Variants in CWH43 observed in about 807,000 individuals in gnomAD.
The protein encoded by CWH43 is PGAP2-interacting protein.
A neutral mutation model predicts 85.7 loss-of-function variants in CWH43; 91 were observed. The observed-to-expected ratio is 1.06, with a 90% CI of 0.90 to 1.26. The LOEUF (loss-of-function observed/expected upper bound fraction) is 1.26, where lower values mean the gene tolerates loss of function less well. CWH43 is among the 50% of genes most tolerant of loss of function. The probability of loss-of-function intolerance (pLI) is 0.00; values close to 1 mark genes in which losing one functional copy is unlikely to be tolerated. For missense variants in CWH43, 869 were observed against 839.2 expected, an observed-to-expected ratio of 1.04 and a Z score of -0.44; for synonymous variants, 323 against 293.6, an observed-to-expected ratio of 1.10 and a Z score of -1.02.
chr4:48,994,497 CTCTTCCGAAGTAAGCT>C, intron 4 of CWH43, 106 bp from the exon 5 acceptor site: 1 of 763,754 alleles, frequency 1.3e-6, no homozygotes. Flanking sequence ...GTCTCATCTC[CTCTTCCGAAGTAAGCT>C]TCTTGAAGCC....
intron 9 of CWH43, among the ~76,000 whole-genome samples, chr4:49,026,510 C>A (rs1161650332): frequency 6.6e-6 from 1 of 152,120 alleles, no homozygotes; most frequent in African/African-American, 2.4e-5. Context: ...CCTGCCATCC[C>A]CAATATGTAG....
chr4:49,045,433 T>C (rs1784594083), intron 14 of CWH43, among the ~76,000 whole-genome samples: 2 of 152,212 alleles, frequency 1.3e-5, no homozygotes, highest in Admixed American at 6.5e-5. Flanking sequence ...CTTAATGATA[T>C]TTTTGTTCAA....
intron 15 of CWH43, among the ~76,000 whole-genome samples, chr4:49,051,195 C>G (rs146392174): frequency 6.6e-6 from 1 of 152,238 alleles, no homozygotes; most frequent in South Asian, 2.1e-4. Flanking sequence ...TTTGTGTTGT[C>G]TCAATTAATC....
At chr4:49,038,269 A>G in intron 13 of CWH43, 89 bp downstream of exon 13, 1 of 1,173,992 alleles carries the variant, frequency 8.5e-7, no homozygotes, top group South Asian at 1.6e-5. Context: ...TCACCTAAAA[A>G]TTTCATGTGC....
chr4:49,008,012 G>A (rs1468934308), intron 8 of CWH43, among the ~76,000 whole-genome samples: 1 of 152,148 alleles, frequency 6.6e-6, no homozygotes, highest in African/African-American at 2.4e-5. Flanking sequence ...GGGTCAAATG[G>A]TATTTCTAGT....
chr4:49,054,827 C>G (rs550824135), intron 15 of CWH43, among the ~76,000 whole-genome samples: 10 of 151,886 alleles, frequency 6.6e-5, no homozygotes, highest in Admixed American at 1.3e-4. Flanking sequence ...AGAAATGCTA[C>G]TGATTTTTGT....
intron 15 of CWH43, among the ~76,000 whole-genome samples, chr4:49,053,021 A>C (rs1391763012): frequency 2.6e-5 from 4 of 152,098 alleles, no homozygotes; most frequent in Non-Finnish European, 5.9e-5. Flanking sequence ...TCTACATATA[A>C]ATGAGATAAT....
chr4:48,990,081 TGAG>T (rs1782610742), intron 2 of CWH43, among the ~76,000 whole-genome samples: 1 of 152,212 alleles, frequency 6.6e-6, no homozygotes, highest in Admixed American at 6.5e-5. Context: ...ATCCACAGAC[TGAG>T]TAGTTACTGG....
At chr4:49,053,949 C>T (rs778983500) in intron 15 of CWH43, among the ~76,000 whole-genome samples, 2 of 152,128 alleles carry the variant, frequency 1.3e-5, no homozygotes, top group African/African-American at 2.4e-5. Flanking sequence ...AATATATTCT[C>T]TCATCCCATA....
chr4:49,050,617 A>G, intron 14 of CWH43, 77 bp from the exon 15 acceptor site: 1 of 1,138,206 alleles, frequency 8.8e-7, no homozygotes, highest in South Asian at 1.7e-5. Context: ...TTTAATAACA[A>G]AGGGGTATCA....
chr4:49,040,843 C>G (rs1577701042), intron 13 of CWH43, among the ~76,000 whole-genome samples: 1 of 152,058 alleles, frequency 6.6e-6, no homozygotes, highest in South Asian at 2.1e-4. Flanking sequence ...AATGGTATTG[C>G]CTAGGTTTTC....
Position 49,029,520 on chromosome 4 carries a change from G to A in CWH43, c.1372+786G>A, listed in dbSNP as rs1162411423. Among the ~76,000 whole-genome samples the A allele has an allele frequency of 1.1e-4, 16 of 152,256 alleles. No individual in the cohort carries two copies. In the East Asian group the frequency reaches 2.3e-3, roughly 22 times the overall value. On this transcript the variant is annotated intron_variant, in intron 10 of 15. Coordinates refer to ENST00000226432, the MANE Select transcript of CWH43 (RefSeq NM_025087.3). ...CTGACTGTCCCCCAGCCCGGCACCC[G>A]TAAAGGGTCTGTGCTGAGGAGGATT...
chr4:49,037,944 T>C, intron 12 of CWH43, 92 bp from the exon 13 acceptor site: 4 of 1,080,418 alleles, frequency 3.7e-6, no homozygotes, highest in East Asian at 4.8e-5. Flanking sequence ...TTCTTCACTA[T>C]ATGCAGATAG....
intron 7 of CWH43, 71 bp downstream of exon 7, chr4:49,004,063 G>A (rs1577663074): frequency 2.2e-6 from 3 of 1,369,914 alleles, no homozygotes; most frequent in South Asian, 1.5e-5. Context: ...CCAGGATTTA[G>A]CACTTTATGT....
intron 2 of CWH43, among the ~76,000 whole-genome samples, chr4:48,989,397 C>T (rs568237696): frequency 6.6e-6 from 1 of 152,202 alleles, no homozygotes; most frequent in South Asian, 2.1e-4. Flanking sequence ...GGCACAACCT[C>T]TATGAAGAAC....
intron 11 of CWH43, among the ~76,000 whole-genome samples, chr4:49,031,865 G>T (rs1463830231): frequency 6.6e-6 from 1 of 152,158 alleles, no homozygotes; most frequent in Admixed American, 6.5e-5. Flanking sequence ...GCTAAGAGAT[G>T]ATACCCTTTA....
chr4:49,027,120 A>C (rs527553376), intron 9 of CWH43, among the ~76,000 whole-genome samples: 1 of 152,370 alleles, frequency 6.6e-6, no homozygotes, highest in Middle Eastern at 3.4e-3. Flanking sequence ...GGGGATGAGA[A>C]CGGATGCAAG....
chr4:49,014,656 C>T (rs138267863), intron 8 of CWH43, among the ~76,000 whole-genome samples: 2 of 151,332 alleles, frequency 1.3e-5, no homozygotes, highest in East Asian at 1.9e-4. Flanking sequence ...CTTATCAAAT[C>T]GAGGCATTTG....
At chr4:49,060,996 T>G (rs1400965244) in intron 15 of CWH43, among the ~76,000 whole-genome samples, 1 of 152,222 alleles carries the variant, frequency 6.6e-6, no homozygotes, top group African/African-American at 2.4e-5. Context: ...TAAAGTATTC[T>G]TCTTAAAATA....
Sources: gnomAD v4.1 joint callset for allele counts (sites outside exome capture counted in the v4.1 genomes callset) on GRCh38, gnomAD v4.1.1 for gene constraint, MANE v1.5 for transcripts, NCBI Gene and HGNC (gene_info 2026-07-23, HGNC 2026-07-21) for gene names.